The following MAPK10 variants were observed in gnomAD, a reference collection of about 807,000 sequenced individuals.
MAPK10 encodes JNK3 alpha protein kinase.
MAPK10 carries 25 observed loss-of-function variants against 59.3 expected under a neutral mutation model. That is an observed-to-expected ratio of 0.42 (90% CI 0.31 to 0.59). MAPK10 has a LOEUF of 0.59. Among genes scored for constraint, MAPK10 ranks in the 20% least tolerant of loss-of-function variants. The pLI is 0.15. For missense variants in MAPK10, 351 were observed against 568.9 expected (o/e 0.62, Z 3.90); for synonymous variants, 190 against 200.5 (o/e 0.95, Z 0.44).
At chr4:86,419,421 AC>A (rs1746238415) in intron 1 of MAPK10, among the ~76,000 whole-genome samples, 1 of 152,226 alleles carries the variant, frequency 6.6e-6, no homozygotes, top group Non-Finnish European at 1.5e-5. Context: ...ATTTATGTAC[AC>A]AAAAATTACA....
intron 1 of MAPK10, among the ~76,000 whole-genome samples, chr4:86,552,089 G>C (rs904532047): frequency 6.6e-6 from 1 of 151,746 alleles, no homozygotes; most frequent in African/African-American, 2.4e-5. Flanking sequence ...AAACAAAGAT[G>C]AGAAAATAAA....
intron 11 of MAPK10, among the ~76,000 whole-genome samples, chr4:86,062,168 A>C (rs916206589): frequency 2.0e-5 from 3 of 152,138 alleles, no homozygotes; most frequent in Non-Finnish European, 2.9e-5. Context: ...GTCTAGATGT[A>C]AGACATGTTT....
At chr4:86,193,960 T>C (rs2080623039) in intron 3 of MAPK10, 1 of 218,214 alleles carries the variant, frequency 4.6e-6, no homozygotes, top group Non-Finnish European at 9.2e-6. Flanking sequence ...GCACCATTCC[T>C]CATGGCACAG....
chr4:86,251,330 C>G (rs931201931), intron 2 of MAPK10, among the ~76,000 whole-genome samples: 1 of 151,910 alleles, frequency 6.6e-6, no homozygotes, highest in East Asian at 1.9e-4. Context: ...CCCCCCTCCT[C>G]CCTCCCCACC....
intron 3 of MAPK10, among the ~76,000 whole-genome samples, chr4:86,169,077 C>T (rs2073057882): frequency 6.6e-6 from 1 of 151,994 alleles, no homozygotes; most frequent in Non-Finnish European, 1.5e-5. Context: ...TCACCATCAT[C>T]AAAGACCAAA....
At chr4:86,220,660 A>C (rs2089278108) in intron 2 of MAPK10, among the ~76,000 whole-genome samples, 1 of 152,244 alleles carries the variant, frequency 6.6e-6, no homozygotes, top group Non-Finnish European at 1.5e-5. Flanking sequence ...TAGAGTTATA[A>C]AAGCAAGTTC....
chr4:86,184,473 A>T (rs917480198), intron 3 of MAPK10, among the ~76,000 whole-genome samples: 1 of 152,162 alleles, frequency 6.6e-6, no homozygotes, highest in Non-Finnish European at 1.5e-5. Flanking sequence ...TGATTCATTT[A>T]TTCATTCTGC....
chr4:86,356,042 TTC>T (rs1491229235), intron 1 of MAPK10, among the ~76,000 whole-genome samples: 1 of 83,776 alleles, frequency 1.2e-5, no homozygotes, highest in African/African-American at 3.6e-5. Context: ...TTTGTTTTTC[TTC>T]ACACACACAC....
intron 11 of MAPK10, among the ~76,000 whole-genome samples, chr4:86,052,636 G>A (rs1039304124): frequency 2.0e-5 from 3 of 152,046 alleles, no homozygotes; most frequent in Non-Finnish European, 4.4e-5. Context: ...CATTCATAGG[G>A]GTGCTATAAA....
intron 2 of MAPK10, chr4:86,332,594 C>T (rs1275223649): frequency 6.6e-6 from 1 of 152,154 alleles, no homozygotes; most frequent in South Asian, 2.1e-4. Context: ...TCCACTGTGA[C>T]GTTTGTCACA....
chr4:86,435,064 T>G (rs1184331946), intron 1 of MAPK10, among the ~76,000 whole-genome samples: 1 of 152,142 alleles, frequency 6.6e-6, no homozygotes, highest in Non-Finnish European at 1.5e-5. Flanking sequence ...ATCACATTCA[T>G]ATGCGGGATC....
In MAPK10 at chr4:86,236,924, C is replaced by T. The variant is rs554347421; in HGVS notation, c.-6-42517G>A. Among the ~76,000 whole-genome samples, 277 of 152,126 alleles carry T rather than the reference C, an allele frequency of 1.8e-3. 2 individuals are homozygous for T. The highest frequency in any genetic ancestry group is 0.014 in the Middle Eastern group (4 of 294). On this transcript the variant is annotated intron_variant, in intron 2 of 13. Transcript: ENST00000641462. ...GTGCAGAACGTGCAGGTTTGTTACACAGGTATACATGTGCCATGGTGGTTT... is the reference window on the plus strand; with the variant it reads ...GTGCAGAACGTGCAGGTTTGTTACATAGGTATACATGTGCCATGGTGGTTT...
intron 1 of MAPK10, among the ~76,000 whole-genome samples, chr4:86,417,064 A>T (rs1277393723): frequency 6.6e-6 from 1 of 152,272 alleles, no homozygotes; most frequent in African/African-American, 2.4e-5. Context: ...AAATAAGTAC[A>T]TAAATACATC....
intron 1 of MAPK10, among the ~76,000 whole-genome samples, chr4:86,409,263 C>A (rs1472469801): frequency 6.6e-6 from 1 of 152,134 alleles, no homozygotes; most frequent in African/African-American, 2.4e-5. Context: ...GTCTATATAT[C>A]TGTTTTGGTA....
chr4:86,250,807 A>C (rs2093372875), intron 2 of MAPK10, among the ~76,000 whole-genome samples: 3 of 152,168 alleles, frequency 2.0e-5, no homozygotes, highest in Admixed American at 1.3e-4. Flanking sequence ...CAGACTGATT[A>C]ATTTCACCAG....
intron 2 of MAPK10, among the ~76,000 whole-genome samples, chr4:86,222,670 CA>C (rs2089893814): frequency 6.6e-6 from 1 of 152,214 alleles, no homozygotes; most frequent in Non-Finnish European, 1.5e-5. Flanking sequence ...TGAAGAATCC[CA>C]AAATAGGTGG....
intron 1 of MAPK10, among the ~76,000 whole-genome samples, chr4:86,439,075 G>A (rs1488721371): frequency 6.6e-6 from 1 of 152,042 alleles, no homozygotes. Flanking sequence ...GTTAAAAATA[G>A]ATTTTTATTT....
chr4:86,486,876 A>G (rs1754035584), intron 1 of MAPK10, among the ~76,000 whole-genome samples: 1 of 152,228 alleles, frequency 6.6e-6, no homozygotes, highest in African/African-American at 2.4e-5. Context: ...GACAGACACT[A>G]TGTGCCTGAA....
chr4:86,346,107 C>T (rs1447206988), intron 2 of MAPK10, among the ~76,000 whole-genome samples: 3 of 152,126 alleles, frequency 2.0e-5, no homozygotes, highest in Non-Finnish European at 2.9e-5. Context: ...ACCAAAACTA[C>T]AATAAGTGCA....
Sources: allele counts gnomAD v4.1 joint callset (sites outside exome capture counted in the v4.1 genomes callset), GRCh38; gene constraint gnomAD v4.1.1; transcripts MANE v1.5; gene names NCBI Gene and HGNC (gene_info 2026-07-23, HGNC 2026-07-21).